The following DCT variants were observed in gnomAD, a reference collection of about 807,000 sequenced individuals.
DCT encodes L-dopachrome tautomerase.
In DCT, 47 loss-of-function variants were observed where a neutral mutation model predicts 53.0. The observed-to-expected ratio is 0.89, with a 90% CI of 0.70 to 1.13. DCT has a LOEUF of 1.13. DCT is among the 50% of genes most tolerant of loss of function. DCT has a pLI of 0.00. For synonymous variants in DCT, 244 were observed against 237.0 expected, an observed-to-expected ratio of 1.03 and a Z score of -0.27; for missense variants, 669 against 637.4, an observed-to-expected ratio of 1.05 and a Z score of -0.53.
At position 94,462,066 on chromosome 13, in the gene DCT, C is replaced by T. The variant is rs1011900553; in HGVS notation, c.987G>A (p.Leu329=). ...GAGGATTGTCAAACTTCTGGAGAGA[C>T]AGGCAATCTCGTATGTCTTTTAAGG... ...LPTLKDIRDC[L]SLQKFDNPPF... The change falls in exon 5 of 8, where the codon CTG becomes CTA. Residue 329 remains leucine (L), a synonymous_variant. Transcript: ENST00000377028. 1 of 1,613,260 alleles carries T rather than the reference C, an allele frequency of 6.2e-7. No homozygotes were observed. Among genetic ancestry groups the T allele is most frequent in the Non-Finnish European group, 8.5e-7 (1 of 1,179,806 alleles).
At chr13:94,454,069 G>A (rs1189351352) in intron 6 of DCT, among the ~76,000 whole-genome samples, 3 of 152,160 alleles carry the variant, frequency 2.0e-5, no homozygotes, top group African/African-American at 7.2e-5. Flanking sequence ...ATTTATGGTA[G>A]TCCATCAGCT....
At position 94,439,893 on chromosome 13, in the gene DCT, G is replaced by A. The variant is rs181279229; in HGVS notation, c.*5C>T. On this transcript the variant is annotated 3_prime_UTR_variant, in exon 8 of 8. Transcript: ENST00000377028. The stretch of plus-strand genomic sequence containing the variant: ...GCCTCTTCTCTTAGGTAAGGCATGA[G>A]CACCCTAGGCTTCTTCTGTGTATCT... 79 of 1,608,486 alleles carry A rather than the reference G, an allele frequency of 4.9e-5. No individual in the cohort carries two copies. In the African/African-American group the frequency reaches 8.8e-4, roughly 18 times the overall value.
chr13:94,488,804 CACAT>C, the DCT span, among the ~76,000 whole-genome samples: 3 of 148,090 alleles, frequency 2.0e-5, no homozygotes, highest in Middle Eastern at 3.5e-3. Context: ...CACACATATA[CACAT>C]ACATACACAC....
intron 4 of DCT, among the ~76,000 whole-genome samples, chr13:94,464,257 G>A (rs1412282822): frequency 6.6e-6 from 1 of 152,226 alleles, no homozygotes; most frequent in African/African-American, 2.4e-5. Context: ...TGTTGGCAGT[G>A]AAGCCTGGGG....
At chr13:94,507,503 C>CT in the DCT span, among the ~76,000 whole-genome samples, 7,327 of 140,190 alleles carry the variant, frequency 0.052, 327 homozygotes, top group African/African-American at 0.11. Flanking sequence ...GGTATATTGA[C>CT]TTTTTTTTTT....
At chr13:94,465,494 A>T in intron 4 of DCT, 139 bp downstream of exon 4, 1 of 637,142 alleles carries the variant, frequency 1.6e-6, no homozygotes, top group Non-Finnish European at 2.4e-6. Context: ...CCCACCTCCC[A>T]GAGGAAAACT....
intron 1 of DCT, among the ~76,000 whole-genome samples, chr13:94,473,774 G>T (rs566115915): frequency 4.6e-5 from 7 of 152,116 alleles, no homozygotes; most frequent in African/African-American, 1.4e-4. Context: ...AATGGGAAGT[G>T]GGGGGGTAAA....
chr13:94,515,000 G>A, the DCT span, among the ~76,000 whole-genome samples: 5 of 152,294 alleles, frequency 3.3e-5, no homozygotes, highest in Admixed American at 6.5e-5. Flanking sequence ...AGGTCATGAG[G>A]GTAGAGCTCT....
At chr13:94,528,480 A>G in the DCT span, among the ~76,000 whole-genome samples, 1 of 152,228 alleles carries the variant, frequency 6.6e-6, no homozygotes, top group South Asian at 2.1e-4. Flanking sequence ...AGTGGGGGCC[A>G]ATATTCAACA....
chr13:94,440,104 C>T, intron 7 of DCT, 28 bp from the exon 8 acceptor site: 1 of 1,585,132 alleles, frequency 6.3e-7, no homozygotes, highest in Non-Finnish European at 8.6e-7. Context: ...GGTCTACAAT[C>T]AGGATTTTCA....
chr13:94,507,117 C>G, the DCT span, among the ~76,000 whole-genome samples: 1 of 152,100 alleles, frequency 6.6e-6, no homozygotes, highest in Non-Finnish European at 1.5e-5. Flanking sequence ...ACATGGCATG[C>G]CATGCTTAAT....
intron 7 of DCT, among the ~76,000 whole-genome samples, chr13:94,442,418 C>T (rs1882392161): frequency 6.6e-6 from 1 of 152,116 alleles, no homozygotes; most frequent in Admixed American, 6.5e-5. Context: ...GCGATTCTTC[C>T]ACCTCAGCCT....
At chr13:94,453,318 T>C (rs1407997) in intron 6 of DCT, among the ~76,000 whole-genome samples, 151,464 of 152,160 alleles carry the variant, frequency 1, 75,387 homozygotes, top group East Asian at 1. Flanking sequence ...ATAAAACATA[T>C]GAGAATATGA....
At chr13:94,447,459 G>T (rs1882807922) in intron 6 of DCT, among the ~76,000 whole-genome samples, 1 of 152,212 alleles carries the variant, frequency 6.6e-6, no homozygotes, top group South Asian at 2.1e-4. Flanking sequence ...ATGCTCAATT[G>T]CTTACCATCC....
intron 6 of DCT, 81 bp from the exon 7 acceptor site, chr13:94,443,718 T>G (rs1302231593): frequency 3.5e-6 from 4 of 1,129,510 alleles, no homozygotes. Flanking sequence ...TTCTCTAAAG[T>G]GGAATAACTT....
the DCT span, among the ~76,000 whole-genome samples, chr13:94,542,609 A>C: frequency 6.6e-6 from 1 of 152,080 alleles, no homozygotes; most frequent in Non-Finnish European, 1.5e-5. Context: ...TCATGCGTTC[A>C]ATTCCCCACC....
the DCT span, among the ~76,000 whole-genome samples, chr13:94,543,290 C>T: frequency 6.6e-6 from 1 of 152,182 alleles, no homozygotes; most frequent in Non-Finnish European, 1.5e-5. Context: ...CCCCTGCGCA[C>T]ACCTCATGCC....
the DCT span, among the ~76,000 whole-genome samples, chr13:94,493,742 G>A: frequency 6.6e-6 from 1 of 152,308 alleles, no homozygotes; most frequent in Non-Finnish European, 1.5e-5. Context: ...CTTGTAGGGA[G>A]GGAGGAAAAG....
chr13:94,444,625 C>T (rs927061363), intron 6 of DCT, among the ~76,000 whole-genome samples: 1 of 152,176 alleles, frequency 6.6e-6, no homozygotes, highest in African/African-American at 2.4e-5. Flanking sequence ...TGTTGGAGTT[C>T]CTTGTTCCTT....
Sources: gnomAD v4.1 joint callset for allele counts (sites outside exome capture counted in the v4.1 genomes callset) on GRCh38, gnomAD v4.1.1 for gene constraint, MANE v1.5 for transcripts, NCBI Gene and HGNC (gene_info 2026-07-23, HGNC 2026-07-21) for gene names.